The following CACNA1S variants were observed in gnomAD, a reference collection of about 807,000 sequenced individuals.
CACNA1S encodes voltage-dependent L-type calcium channel subunit alpha-1S.
Under a neutral mutation model 207.4 loss-of-function variants are expected in CACNA1S, and 126 were observed. That is an observed-to-expected ratio of 0.61 (90% CI 0.53 to 0.70). The LOEUF (loss-of-function observed/expected upper bound fraction) is 0.70, where lower values mean the gene tolerates loss of function less well. Ranked by LOEUF, CACNA1S falls within the 30% of genes least tolerant of loss-of-function variation. The pLI is 0.00. For synonymous variants in CACNA1S, 960 were observed against 932.7 expected (o/e 1.03, Z -0.53); for missense variants, 2,349 against 2,422.8 (o/e 0.97, Z 0.64).
At position 201,061,963 on chromosome 1, in the gene CACNA1S, T is replaced by A; in HGVS notation, c.3034A>T (p.Thr1012Ser). 1 of 1,614,174 alleles carries A rather than the reference T, an allele frequency of 6.2e-7. No homozygotes were observed. The highest frequency in any genetic ancestry group is 8.5e-7 in the Non-Finnish European group (1 of 1,180,024). The change falls in exon 24 of 44, where the codon ACC becomes TCC. Residue 1012 changes from threonine to serine, a missense_variant. Coordinates refer to ENST00000362061, the MANE Select transcript of CACNA1S (RefSeq NM_000069.3). ...SAMMSLFTVS[T>S]FEGWPQLLYK... is the part of the protein sequence containing the mutation. The stretch of plus-strand genomic sequence containing the variant: ...ACTCACTGAGGCCATCCCTCGAAGG[T>A]GGAGACCGTGAAGAGGGACATCATG...
In CACNA1S at chr1:201,066,824, A is replaced by C; in HGVS notation, c.2657+63T>G. The C allele has an allele frequency of 7.8e-7, 1 of 1,289,468 alleles. No homozygotes were observed. The highest frequency in any genetic ancestry group is 1.1e-6 in the Non-Finnish European group (1 of 897,698). 79.9% of individuals were successfully genotyped at this position (1,289,468 alleles called of 1,614,324 possible). A position where few individuals can be genotyped will look rare whatever the true frequency, so the allele number is the denominator to read the frequency against. On this transcript the variant is annotated intron_variant, in intron 20 of 43. Coordinates refer to ENST00000362061, the MANE Select transcript of CACNA1S (RefSeq NM_000069.3). This position sits in a 1 kb window ranked among gnomAD's most constrained non-coding sequence, Gnocchi z 4.3. ...CACCAACATGGGTGGGACTCCCACTACAAAGCCCTGGCACAGAGCAGAGGG... is the reference window on the plus strand; with the variant it reads ...CACCAACATGGGTGGGACTCCCACTCCAAAGCCCTGGCACAGAGCAGAGGG...
Position 201,077,039 on chromosome 1 carries a change from T to C in CACNA1S, c.1708A>G (p.Ile570Val). 1 of 1,614,136 alleles carries C rather than the reference T, an allele frequency of 6.2e-7. No homozygotes were observed. The highest frequency in any genetic ancestry group is 1.1e-5 in the South Asian group (1 of 91,080). ...ATGCCCAGGAGGGCGAAGATGACGA[T>C]GAAGAGGAAGAGCAGCAGCAGCAGG... The part of the protein sequence containing the change: ...ASLLLLLFLF[I>V]VIFALLGMQL... The change falls in exon 12 of 44, where the codon ATC becomes GTC. Residue 570 changes from isoleucine (I) to valine (V), a missense_variant. Physicochemically the swap from Ile to Val is conservative, Grantham distance 29. Coordinates refer to ENST00000362061, the MANE Select transcript of CACNA1S (RefSeq NM_000069.3).
chr1:201,097,831 T>C (rs1032465824), intron 2 of CACNA1S, among the ~76,000 whole-genome samples: 11 of 152,192 alleles, frequency 7.2e-5, no homozygotes, highest in African/African-American at 2.7e-4. Context: ...GTGATTCTGA[T>C]GCCCTTCCCT....
chr1:201,040,627 A>C lies in CACNA1S; in HGVS notation c.5221T>G (p.Cys1741Gly). The change falls in exon 42 of 44, where the codon TGC (cysteine) becomes GGC (glycine). Residue 1741 changes from cysteine (C) to glycine (G), a missense_variant. Transcript: ENST00000362061. ...MPRGQAPPAP[C>G]QCPRVESSMP... ...CAGGCCTCTGCCACTGTTACCTGGC[A>C]GGGGGCAGGAGGTGCCTGGCCTCTG... 6.2e-7 allele frequency: 1 copy of C among 1,613,756 alleles called. No individual in the cohort carries two copies.
At chr1:201,059,632 A>T (rs2102571941) in intron 26 of CACNA1S, among the ~76,000 whole-genome samples, 1 of 152,334 alleles carries the variant, frequency 6.6e-6, no homozygotes, top group Non-Finnish European at 1.5e-5. Flanking sequence ...GAGGACCAGG[A>T]TGGCAGGTCG....
chr1:201,047,598 C>T lies in CACNA1S; in HGVS notation c.4470G>A (p.Leu1490=), dbSNP rs1558054545. 6.2e-7 allele frequency: 1 copy of T among 1,614,232 alleles called. No homozygotes were observed. Among genetic ancestry groups the T allele is most frequent in the South Asian group, 1.1e-5 (1 of 91,088 alleles). ...TCCAGATCTTCTTGATGATGGCCCT[C>T]AGCTCCTCGTTGGCCTGCTCAAAGT... The part of the protein sequence containing the change: ...EGNFEQANEE[L]RAIIKKIWKR... The change falls in exon 37 of 44, where the codon CTG becomes CTA. Residue 1490 remains leucine (L), a synonymous_variant. Transcript: ENST00000362061.
At chr1:201,084,768 G>C (rs781429752) in intron 9 of CACNA1S, among the ~76,000 whole-genome samples, 182 bp downstream of exon 9, 1 of 152,138 alleles carries the variant, frequency 6.6e-6, no homozygotes, top group Admixed American at 6.5e-5. Flanking sequence ...CACATTCCCC[G>C]AGGATCTGGT....
intron 3 of CACNA1S, 58 bp from the exon 4 acceptor site, chr1:201,092,172 TG>T: frequency 6.2e-7 from 1 of 1,600,224 alleles, no homozygotes; most frequent in South Asian, 1.1e-5. Flanking sequence ...ACTGCCCCAG[TG>T]GTCTGAGGCC....
intron 2 of CACNA1S, among the ~76,000 whole-genome samples, chr1:201,096,686 T>C (rs1662445717): frequency 6.6e-6 from 1 of 152,210 alleles, no homozygotes; most frequent in Non-Finnish European, 1.5e-5. Context: ...TTTGTAAATC[T>C]GAAATAATGA....
intron 28 of CACNA1S, among the ~76,000 whole-genome samples, chr1:201,058,163 T>G (rs1484062062): frequency 6.6e-6 from 1 of 152,198 alleles, no homozygotes; most frequent in Non-Finnish European, 1.5e-5. Context: ...GACTTTCCTT[T>G]CCGTTACAGC....
chr1:201,089,118 C>A, intron 6 of CACNA1S, 140 bp downstream of exon 6: 1 of 779,542 alleles, frequency 1.3e-6, no homozygotes, highest in Non-Finnish European at 2.2e-6. Context: ...TATAGATTCC[C>A]CAGGGAGGAG....
chr1:201,093,826 G>C, intron 3 of CACNA1S, 56 bp downstream of exon 3: 2 of 1,602,946 alleles, frequency 1.2e-6, no homozygotes, highest in Non-Finnish European at 1.7e-6. Context: ...GGTGGCAGTG[G>C]GCACACAGTC....
In CACNA1S at chr1:201,084,808, G is replaced by A. The variant is rs116077336; in HGVS notation, c.1232+142C>T. ...GCGGAGTCCCTCAGAGCAGGAACTG[G>A]CCCTATTTTCTTAAAAAGGCTGCCT... is the stretch of plus-strand genomic sequence containing the variant. On this transcript the variant is annotated intron_variant, in intron 9 of 43. Transcript: ENST00000362061. 1.2e-3 allele frequency: 784 copies of A among 669,154 alleles called. 5 individuals are homozygous for A. The African/African-American group carries it at 0.013, about 11-fold the overall frequency. 41.5% of individuals were successfully genotyped at this position (669,154 alleles called of 1,614,324 possible). A position where few individuals can be genotyped will look rare whatever the true frequency, so the allele number is the denominator to read the frequency against.
chr1:201,053,099 G>A lies in CACNA1S; in HGVS notation c.3861+110C>T. On this transcript the variant is annotated intron_variant, in intron 31 of 43. Transcript: ENST00000362061. The surrounding 1 kb of genome is among the most constrained non-coding windows in gnomAD (Gnocchi z 5.1). ...TCCTTCTTTCTCACGAGCAAGGCAG[G>A]GAGGGCGGAGGGTCCAGCCCGTGTG... is the stretch of plus-strand genomic sequence containing the variant. 8.2e-7 allele frequency: 1 copy of A among 1,215,008 alleles called. No individual in the cohort carries two copies. The highest frequency in any genetic ancestry group is 1.2e-5 in the South Asian group (1 of 83,322). 75.3% of individuals were successfully genotyped at this position (1,215,008 alleles called of 1,614,324 possible). A position where few individuals can be genotyped will look rare whatever the true frequency, so the allele number is the denominator to read the frequency against.
chr1:201,073,403 C>T, intron 15 of CACNA1S, 146 bp downstream of exon 15: 1 of 767,814 alleles, frequency 1.3e-6, no homozygotes, highest in Non-Finnish European at 2.3e-6. Flanking sequence ...GGCTCTCCCT[C>T]CAGTCGTACG....
intron 5 of CACNA1S, among the ~76,000 whole-genome samples, 199 bp from the exon 6 acceptor site, chr1:201,089,662 C>A (rs1329152761): frequency 6.6e-6 from 1 of 152,172 alleles, no homozygotes; most frequent in African/African-American, 2.4e-5. Context: ...CTACAGGCAG[C>A]GGGAATTATG....
intron 22 of CACNA1S, 27 bp from the exon 23 acceptor site, chr1:201,062,541 AGGG>A: frequency 1.4e-6 from 1 of 698,080 alleles, no homozygotes; most frequent in Non-Finnish European, 2.5e-6. Flanking sequence ...GGAGGGAGGG[AGGG>A]AGGCATGTTG....
intron 2 of CACNA1S, among the ~76,000 whole-genome samples, chr1:201,106,538 G>A (rs1029942164): frequency 2.6e-5 from 4 of 152,268 alleles, no homozygotes; most frequent in South Asian, 2.1e-4. Flanking sequence ...GGGCCCCCAC[G>A]TTCAAACAGT....
At chr1:201,082,195 A>G (rs1263180989) in intron 10 of CACNA1S, among the ~76,000 whole-genome samples, 4 of 151,854 alleles carry the variant, frequency 2.6e-5, no homozygotes, top group Non-Finnish European at 5.9e-5. Context: ...CGCCCAGCTA[A>G]TTTTTGTATT....
Sources: allele counts gnomAD v4.1 joint callset (sites outside exome capture counted in the v4.1 genomes callset), GRCh38; gene constraint gnomAD v4.1.1; non-coding constraint Gnocchi (gnomAD v3.1); transcripts MANE v1.5; gene names NCBI Gene and HGNC (gene_info 2026-07-23, HGNC 2026-07-21).